The following CUX2 variants were observed in gnomAD, a reference collection of about 807,000 sequenced individuals.
CUX2 encodes homeobox protein cut-like 2.
CUX2 carries 40 observed loss-of-function variants against 144.8 expected under a neutral mutation model. The ratio of observed to expected loss-of-function variants is 0.28; its 90% CI spans 0.21 to 0.36. The LOEUF is 0.36. CUX2 is among the 10% of genes least tolerant of loss of function. The pLI is 1.00. For missense variants in CUX2, 1,615 were observed against 1,994.0 expected (o/e 0.81, Z 3.62); for synonymous variants, 827 against 875.6 (o/e 0.94, Z 0.98).
At chr12:111,313,456 A>G (rs1181863578) in intron 16 of CUX2, among the ~76,000 whole-genome samples, 1 of 150,398 alleles carries the variant, frequency 6.6e-6, no homozygotes, top group Non-Finnish European at 1.5e-5. Flanking sequence ...CCTGCCCAAC[A>G]TGGCGAAACC....
intron 1 of CUX2, among the ~76,000 whole-genome samples, chr12:111,116,163 A>T (rs544902884): frequency 6.6e-6 from 1 of 152,326 alleles, no homozygotes; most frequent in South Asian, 2.1e-4. Flanking sequence ...ATGAAATTAT[A>T]CATCTACAGA....
intron 17 of CUX2, among the ~76,000 whole-genome samples, chr12:111,321,034 C>T (rs2136401616): frequency 6.6e-6 from 1 of 152,292 alleles, no homozygotes; most frequent in East Asian, 1.9e-4. Flanking sequence ...GAGGTCCAGC[C>T]ACTAAAGGGT....
chr12:111,193,207 G>A (rs753706687), intron 1 of CUX2, among the ~76,000 whole-genome samples: 13 of 152,188 alleles, frequency 8.5e-5, no homozygotes, highest in Non-Finnish European at 1.3e-4. Context: ...AGAGGGAGAC[G>A]TGGAATTACC....
At chr12:111,139,417 A>C (rs1312306076) in intron 1 of CUX2, among the ~76,000 whole-genome samples, 2 of 152,162 alleles carry the variant, frequency 1.3e-5, no homozygotes, top group East Asian at 3.9e-4. Context: ...TGAACCACAG[A>C]TGGCATTTGT....
intron 1 of CUX2, among the ~76,000 whole-genome samples, chr12:111,166,701 C>T (rs375059669): frequency 1.1e-4 from 17 of 152,160 alleles, no homozygotes; most frequent in African/African-American, 3.6e-4. Context: ...AGAGGCTAAA[C>T]GTGGAAGGGG....
intron 3 of CUX2, among the ~76,000 whole-genome samples, chr12:111,259,331 A>G (rs191101263): frequency 3.5e-4 from 53 of 152,264 alleles, no homozygotes; most frequent in Admixed American, 1.6e-3. Context: ...GCGGGCCACA[A>G]AGTCTCTTTC....
chr12:111,282,826 A>G (rs968722699), intron 4 of CUX2, among the ~76,000 whole-genome samples: 3 of 151,972 alleles, frequency 2.0e-5, no homozygotes, highest in Admixed American at 2.0e-4. Context: ...TGGTGCACAG[A>G]AAAAGGAATG....
Position 111,126,170 on chromosome 12 carries a change from A to T in CUX2, c.64-88030A>T, listed in dbSNP as rs569702419. On this transcript the variant is annotated intron_variant, in intron 1 of 21. Coordinates refer to ENST00000261726, the MANE Select transcript of CUX2 (RefSeq NM_015267.4). ...GTTGCCCAGGCTGGAGTGCGGGGACATAATCTTGGCTCACTGCAACCTCTG... is the reference window on the plus strand; with the variant it reads ...GTTGCCCAGGCTGGAGTGCGGGGACTTAATCTTGGCTCACTGCAACCTCTG... Among the ~76,000 whole-genome samples, 6 of 151,158 alleles carry T rather than the reference A, an allele frequency of 4.0e-5. No individual in the cohort carries two copies. In the South Asian group the frequency reaches 1.3e-3, roughly 32 times the overall value.
intron 1 of CUX2, among the ~76,000 whole-genome samples, chr12:111,207,829 A>C (rs546849827): frequency 7.9e-5 from 12 of 152,328 alleles, no homozygotes; most frequent in Admixed American, 5.9e-4. Context: ...GGCTCAAAGC[A>C]GACACCTAAC....
intron 1 of CUX2, among the ~76,000 whole-genome samples, chr12:111,188,656 C>T (rs1001319652): frequency 1.3e-5 from 2 of 152,028 alleles, no homozygotes; most frequent in Non-Finnish European, 1.5e-5. Flanking sequence ...GAAAGGAGGG[C>T]AGAGAAGTGG....
At chr12:111,053,546 G>A (rs905739466) in intron 1 of CUX2, among the ~76,000 whole-genome samples, 18 of 152,146 alleles carry the variant, frequency 1.2e-4, no homozygotes, top group Admixed American at 5.2e-4. Flanking sequence ...CACTATCTCC[G>A]CTTCTACATC....
Position 111,090,506 on chromosome 12 carries a change from C to G in CUX2, c.63+56266C>G, listed in dbSNP as rs530551835. ...TCTCAACCTCCTGGCCTCAAGTGAT[C>G]CACCTGCCTCAGCCTCCCAAAATGT... On this transcript the variant is annotated intron_variant, in intron 1 of 21. Coordinates refer to ENST00000261726, the MANE Select transcript of CUX2 (RefSeq NM_015267.4). Among the ~76,000 whole-genome samples the G allele has an allele frequency of 3.3e-5, 5 of 152,240 alleles. No homozygotes were observed. In the East Asian group the frequency reaches 9.6e-4, roughly 29 times the overall value.
At chr12:111,257,442 C>T (rs1294497082) in intron 3 of CUX2, among the ~76,000 whole-genome samples, 1 of 15,022 alleles carries the variant, frequency 6.7e-5, no homozygotes, top group Non-Finnish European at 1.3e-4. Flanking sequence ...TTCTTCCTCC[C>T]CCTCCCACTT....
At chr12:111,141,787 G>A (rs1268372204) in intron 1 of CUX2, among the ~76,000 whole-genome samples, 1 of 152,182 alleles carries the variant, frequency 6.6e-6, no homozygotes, top group Non-Finnish European at 1.5e-5. Context: ...GACATTGATG[G>A]TGATGTTTGG....
At chr12:111,347,476 T>G (rs201196589) in intron 21 of CUX2, 48 bp from the exon 22 acceptor site, 112 of 1,517,826 alleles carry the variant, frequency 7.4e-5, no homozygotes, top group Non-Finnish European at 8.7e-5. Context: ...AGTCCAGGGT[T>G]TGGGAGTCCC....
At chr12:111,221,703 T>C (rs1363294650) in intron 3 of CUX2, among the ~76,000 whole-genome samples, 2 of 152,170 alleles carry the variant, frequency 1.3e-5, no homozygotes, top group Non-Finnish European at 2.9e-5. Flanking sequence ...TGAATTTTGC[T>C]TCACCAGCCC....
At chr12:111,134,128 C>A (rs1241114756) in intron 1 of CUX2, among the ~76,000 whole-genome samples, 3 of 152,178 alleles carry the variant, frequency 2.0e-5, no homozygotes, top group Non-Finnish European at 4.4e-5. Flanking sequence ...AGCTTTCAGG[C>A]CATTTATGTG....
At chr12:111,315,379 C>G (rs1049838247) in intron 16 of CUX2, among the ~76,000 whole-genome samples, 2 of 152,162 alleles carry the variant, frequency 1.3e-5, no homozygotes, top group African/African-American at 2.4e-5. Context: ...GATAATATCC[C>G]TTTAGCAGCA....
At chr12:111,100,036 G>T (rs1452778233) in intron 1 of CUX2, 6 of 456,850 alleles carry the variant, frequency 1.3e-5, no homozygotes, top group South Asian at 7.7e-5. Flanking sequence ...TGGTGCTGCT[G>T]ACGGGCCCTC....
Sources: gnomAD v4.1 joint callset for allele counts (sites outside exome capture counted in the v4.1 genomes callset) on GRCh38, gnomAD v4.1.1 for gene constraint, MANE v1.5 for transcripts, NCBI Gene and HGNC (gene_info 2026-07-23, HGNC 2026-07-21) for gene names.